The following ULK4 variants were observed in gnomAD, a reference collection of about 807,000 sequenced individuals.
The protein encoded by ULK4 is inactive serine/threonine-protein kinase ULK4.
In ULK4, 133 loss-of-function variants were observed where a neutral mutation model predicts 160.6. That is an observed-to-expected ratio of 0.83 (90% CI 0.72 to 0.96). ULK4 has a LOEUF of 0.96. Ranked by LOEUF, ULK4 falls within the 40% of genes least tolerant of loss-of-function variation. The pLI, the probability that ULK4 is intolerant of heterozygous loss-of-function variation, is 0.00. For missense variants in ULK4, 1,580 were observed against 1,499.5 expected (o/e 1.05, Z -0.89); for synonymous variants, 534 against 539.8 (o/e 0.99, Z 0.15).
chr3:41,787,215 A>G lies in ULK4; in HGVS notation c.2193+2446T>C, dbSNP rs1261564105. Among the ~76,000 whole-genome samples, 3 of 152,152 alleles carry G rather than the reference A, an allele frequency of 2.0e-5. No homozygotes were observed. In the East Asian group the frequency reaches 5.8e-4, roughly 29 times the overall value. ...TATCCCCTGCCAGAGTGGAGTCACAAAAGACCAAGCAGAGAGCTGGGGCTT... is the reference window on the plus strand; with the variant it reads ...TATCCCCTGCCAGAGTGGAGTCACAGAAGACCAAGCAGAGAGCTGGGGCTT... On this transcript the variant is annotated intron_variant, in intron 21 of 36. Transcript: ENST00000301831.
chr3:41,923,755 C>T (rs1420701463), intron 5 of ULK4, among the ~76,000 whole-genome samples: 1 of 152,204 alleles, frequency 6.6e-6, no homozygotes, highest in Non-Finnish European at 1.5e-5. Context: ...GACCGTGGAA[C>T]CTGAACCCTA....
chr3:41,922,941 G>T (rs1351666694), intron 5 of ULK4, among the ~76,000 whole-genome samples: 1 of 152,102 alleles, frequency 6.6e-6, no homozygotes, highest in Non-Finnish European at 1.5e-5. Flanking sequence ...GGAGGCCGGG[G>T]TGGGCAAATC....
intron 36 of ULK4, among the ~76,000 whole-genome samples, chr3:41,247,312 C>T (rs2078663752): frequency 6.6e-6 from 1 of 152,234 alleles, no homozygotes; most frequent in Admixed American, 6.5e-5. Flanking sequence ...GCCTGCCTGG[C>T]TCCTGCCTGG....
intron 17 of ULK4, among the ~76,000 whole-genome samples, chr3:41,870,824 C>T (rs1697061065): frequency 6.6e-6 from 1 of 152,158 alleles, no homozygotes; most frequent in African/African-American, 2.4e-5. Flanking sequence ...CCCTGGCAAC[C>T]ACTGTGATAT....
intron 22 of ULK4, among the ~76,000 whole-genome samples, chr3:41,736,736 C>T (rs1474633176): frequency 6.6e-6 from 1 of 151,156 alleles, no homozygotes; most frequent in Non-Finnish European, 1.5e-5. Flanking sequence ...GTTGCCATTG[C>T]TTTTGGTGTT....
chr3:41,497,975 TCAGAGA>T (rs1195510615), intron 32 of ULK4, among the ~76,000 whole-genome samples: 1 of 152,184 alleles, frequency 6.6e-6, no homozygotes. Context: ...AATACTTCTC[TCAGAGA>T]CAGAAACATT....
intron 32 of ULK4, among the ~76,000 whole-genome samples, chr3:41,488,214 A>G (rs9818243): frequency 0.41 from 62,312 of 152,110 alleles, 12,945 homozygotes; most frequent in African/African-American, 0.43. Flanking sequence ...GTAACTTTTT[A>G]ATGGAATACT....
chr3:41,272,570 T>C (rs1031740203), intron 35 of ULK4, among the ~76,000 whole-genome samples: 2 of 148,962 alleles, frequency 1.3e-5, no homozygotes, highest in Non-Finnish European at 3.0e-5. Context: ...TTGATCATGA[T>C]ATACCTTGGT....
At chr3:41,642,099 C>A (rs993189438) in intron 30 of ULK4, among the ~76,000 whole-genome samples, 2 of 149,580 alleles carry the variant, frequency 1.3e-5, no homozygotes, top group African/African-American at 2.6e-5. Context: ...GTCTCGAACC[C>A]CTGACCTCAG....
chr3:41,690,689 C>G (rs757077571), intron 27 of ULK4, among the ~76,000 whole-genome samples: 1 of 151,884 alleles, frequency 6.6e-6, no homozygotes, highest in African/African-American at 2.4e-5. Context: ...CAGGGTTCTA[C>G]GCCACTCCCC....
chr3:41,713,537 C>T (rs949769293), intron 25 of ULK4, among the ~76,000 whole-genome samples: 2 of 152,056 alleles, frequency 1.3e-5, no homozygotes, highest in Admixed American at 1.3e-4. Flanking sequence ...ATTCAAACTA[C>T]GAAAATAGAC....
At position 41,717,782 on chromosome 3, in the gene ULK4, T is replaced by C; in HGVS notation, c.2401A>G (p.Lys801Glu). The change falls in exon 23 of 37, where the codon AAA (lysine) becomes GAA (glutamate). Residue 801 changes from lysine (K) to glutamate (E), a missense_variant. By Grantham distance (56) the Lys-to-Glu change is moderately conservative (BLOSUM62 1). Transcript: ENST00000301831. ...EQQSGNEYLSKCLDLLICHIV... is the reference protein window; with the variant it reads ...EQQSGNEYLSECLDLLICHIV... Reference sequence around the variant, plus strand: ...TGACAGATGAGAAGATCCAGGCATTTGGACAGGTATTCATTGCCACTTTGC... The same window carrying C: ...TGACAGATGAGAAGATCCAGGCATTCGGACAGGTATTCATTGCCACTTTGC... The C allele has an allele frequency of 6.2e-7, 1 of 1,614,126 alleles. No individual in the cohort carries two copies. Among genetic ancestry groups the C allele is most frequent in the Non-Finnish European group, 8.5e-7 (1 of 1,179,994 alleles).
chr3:41,762,654 AC>A (rs1265654542), intron 21 of ULK4, among the ~76,000 whole-genome samples: 1 of 114,306 alleles, frequency 8.7e-6, no homozygotes, highest in Non-Finnish European at 1.8e-5. Context: ...GAAGTGTTAC[AC>A]TTTTTTTTTT....
chr3:41,568,881 A>T (rs1462689580), intron 31 of ULK4, among the ~76,000 whole-genome samples: 3 of 152,164 alleles, frequency 2.0e-5, no homozygotes, highest in Non-Finnish European at 1.5e-5. Context: ...TCAAACACTC[A>T]TCACAAGTCT....
chr3:41,743,076 A>G (rs1455707804), intron 22 of ULK4, among the ~76,000 whole-genome samples: 5 of 151,844 alleles, frequency 3.3e-5, no homozygotes, highest in Non-Finnish European at 2.9e-5. Flanking sequence ...ATGCCCAAAA[A>G]ATATCCAAAT....
intron 32 of ULK4, among the ~76,000 whole-genome samples, chr3:41,470,044 A>AAAAAAAAAAATAAAAAAAC (rs1415943037): frequency 8.6e-6 from 1 of 116,688 alleles, no homozygotes; most frequent in African/African-American, 3.5e-5. Flanking sequence ...AAAAAAAAAA[A>AAAAAAAAAAATAAAAAAAC]AACAAAGTAT....
rs117488864 is a variant in ULK4, at chr3:41,400,397, G to C, written c.3493-2133C>G. ...CCTAACCCCTGGTGACCACACACCG[G>C]TTTGCCATTTTGTCATTTCAAGTAT... On this transcript the variant is annotated intron_variant, in intron 34 of 36. Transcript: ENST00000301831. Among the ~76,000 whole-genome samples, 366 of 152,050 alleles carry C rather than the reference G, an allele frequency of 2.4e-3. 2 individuals carry two copies. Among genetic ancestry groups the C allele is most frequent in the East Asian group, 0.015 (78 of 5,162 alleles).
In ULK4 at chr3:41,909,740, TA is replaced by T. The variant is rs559795122; in HGVS notation, c.1085+1576del. 1.6e-3 allele frequency among the ~76,000 whole-genome samples: 236 copies of T among 151,986 alleles called. 1 individual carries two copies. Among genetic ancestry groups the T allele is most frequent in the African/African-American group, 5.6e-3 (232 of 41,480 alleles). The stretch of plus-strand genomic sequence containing the variant: ...AAAAAATATATAAATAAATAAATAA[TA>T]AATAAAATGTGTAAAATGTATATAG... On this transcript the variant is annotated intron_variant, in intron 11 of 36. Coordinates refer to ENST00000301831, the MANE Select transcript of ULK4 (RefSeq NM_017886.4).
At chr3:41,518,599 A>T (rs1434870874) in intron 32 of ULK4, among the ~76,000 whole-genome samples, 2 of 152,200 alleles carry the variant, frequency 1.3e-5, no homozygotes, top group African/African-American at 2.4e-5. Flanking sequence ...TAAATGTCCT[A>T]CCGTTTGCTG....
Sources: allele counts gnomAD v4.1 joint callset (sites outside exome capture counted in the v4.1 genomes callset), GRCh38; gene constraint gnomAD v4.1.1; transcripts MANE v1.5; gene names NCBI Gene and HGNC (gene_info 2026-07-23, HGNC 2026-07-21).